SLC17A8: variants seen among roughly 807,000 people sequenced by gnomAD.
SLC17A8 encodes the protein solute carrier family 17 member 8.
Under a neutral mutation model 58.0 loss-of-function variants are expected in SLC17A8, and 31 were observed. The ratio of observed to expected loss-of-function variants is 0.53; its 90% CI spans 0.40 to 0.72. The LOEUF (loss-of-function observed/expected upper bound fraction) is 0.72. Ranked by LOEUF, SLC17A8 falls within the 30% of genes least tolerant of loss-of-function variation. The pLI is 0.00. For missense variants in SLC17A8, 655 were observed against 727.8 expected (o/e 0.90, Z 1.15); for synonymous variants, 228 against 249.0 (o/e 0.92, Z 0.79).
chr12:100,404,001 A>G (rs1334950908), intron 8 of SLC17A8, 37 bp from the exon 9 acceptor site: 1 of 1,613,758 alleles, frequency 6.2e-7, no homozygotes, highest in South Asian at 1.1e-5. Flanking sequence ...TCTCTCAGAA[A>G]TAATGACAAA....
chr12:100,395,901 C>A (rs146565648), intron 4 of SLC17A8, among the ~76,000 whole-genome samples: 2,078 of 152,316 alleles, frequency 0.014, 50 homozygotes, highest in African/African-American at 0.046. Context: ...GCGTGAGCCA[C>A]CGCTCCTGGC....
chr12:100,395,426 AG>A (rs1952746234), intron 4 of SLC17A8, among the ~76,000 whole-genome samples: 1 of 151,064 alleles, frequency 6.6e-6, no homozygotes, highest in Non-Finnish European at 1.5e-5. Context: ...CCCAGGTTCA[AG>A]CGATTCTTCT....
chr12:100,415,838 T>C (rs1198984171), intron 10 of SLC17A8, among the ~76,000 whole-genome samples: 1 of 152,194 alleles, frequency 6.6e-6, no homozygotes. Context: ...GTGGTTTAAC[T>C]TGCCGAGTGA....
chr12:100,387,005 T>A (rs1029883161), intron 2 of SLC17A8, among the ~76,000 whole-genome samples: 30 of 152,196 alleles, frequency 2.0e-4, no homozygotes, highest in African/African-American at 7.2e-4. Flanking sequence ...TCTTTATTCA[T>A]CTGTCAACGG....
At chr12:100,367,105 G>T (rs1952525390) in intron 1 of SLC17A8, among the ~76,000 whole-genome samples, 1 of 151,944 alleles carries the variant, frequency 6.6e-6, no homozygotes, top group South Asian at 2.1e-4. Context: ...TTCGTTTGTG[G>T]GTTTTCTGGT....
intron 4 of SLC17A8, among the ~76,000 whole-genome samples, chr12:100,395,462 A>G (rs1474879750): frequency 2.6e-5 from 4 of 151,586 alleles, no homozygotes; most frequent in African/African-American, 7.3e-5. Flanking sequence ...CATAGCTGGG[A>G]TAACAGGCAC....
chr12:100,420,382 A>C lies in SLC17A8; in HGVS notation c.*223A>C. 1.9e-6 allele frequency: 1 copy of C among 522,348 alleles called. No homozygotes were observed. Among genetic ancestry groups the C allele is most frequent in the Non-Finnish European group, 3.4e-6 (1 of 291,920 alleles). 32.4% of individuals were successfully genotyped at this position (522,348 alleles called of 1,614,324 possible). ...GATAATACATATTTTTTGAATTGACAGTTGACCCTTCTCTCAAAGAGCTAA... is the reference window on the plus strand; with the variant it reads ...GATAATACATATTTTTTGAATTGACCGTTGACCCTTCTCTCAAAGAGCTAA... On this transcript the variant is annotated 3_prime_UTR_variant, in exon 12 of 12. Transcript: ENST00000323346.
At chr12:100,392,705 A>G (rs1952725330) in intron 3 of SLC17A8, among the ~76,000 whole-genome samples, 1 of 152,156 alleles carries the variant, frequency 6.6e-6, no homozygotes, top group South Asian at 2.1e-4. Context: ...GGGGAAGAAA[A>G]TGCTGCTTGC....
At chr12:100,391,378 C>G (rs1952715211) in intron 3 of SLC17A8, among the ~76,000 whole-genome samples, 1 of 134,174 alleles carries the variant, frequency 7.5e-6, no homozygotes, top group Non-Finnish European at 1.6e-5. Flanking sequence ...TCTGCCCCAC[C>G]CCCTCCCCCA....
chr12:100,399,554 A>AGG (rs780298215), intron 5 of SLC17A8, among the ~76,000 whole-genome samples: 2 of 152,094 alleles, frequency 1.3e-5, no homozygotes, highest in Non-Finnish European at 2.9e-5. Context: ...AGGAGGCAAA[A>AGG]GGGGAGGCAA....
chr12:100,418,447 G>A (rs1384191810), intron 11 of SLC17A8, among the ~76,000 whole-genome samples: 1 of 152,176 alleles, frequency 6.6e-6, no homozygotes, highest in Non-Finnish European at 1.5e-5. Flanking sequence ...AAGAAACTGA[G>A]GCAGTCAACT....
At chr12:100,365,259 GT>G (rs1952512159) in intron 1 of SLC17A8, among the ~76,000 whole-genome samples, 1 of 152,160 alleles carries the variant, frequency 6.6e-6, no homozygotes, top group Non-Finnish European at 1.5e-5. Context: ...GCCATGAGAT[GT>G]TTTTTGTCTG....
At chr12:100,398,490 T>C (rs1189491115) in intron 5 of SLC17A8, among the ~76,000 whole-genome samples, 2 of 152,338 alleles carry the variant, frequency 1.3e-5, no homozygotes, top group African/African-American at 2.4e-5. Flanking sequence ...TGTGTTTTTA[T>C]AGCCCTAAAA....
chr12:100,394,788 T>C (rs1952741127), intron 4 of SLC17A8, among the ~76,000 whole-genome samples: 1 of 147,566 alleles, frequency 6.8e-6, no homozygotes, highest in African/African-American at 2.5e-5. Context: ...ATAACATATA[T>C]ACTAGTGTAT....
At chr12:100,416,776 C>T (rs1290475346) in intron 10 of SLC17A8, among the ~76,000 whole-genome samples, 1 of 152,200 alleles carries the variant, frequency 6.6e-6, no homozygotes, top group Non-Finnish European at 1.5e-5. Flanking sequence ...CACGTCTATG[C>T]ACCATGTAGT....
At chr12:100,391,515 G>A (rs1354100627) in intron 3 of SLC17A8, among the ~76,000 whole-genome samples, 1 of 152,116 alleles carries the variant, frequency 6.6e-6, no homozygotes, top group African/African-American at 2.4e-5. Context: ...ATGTTGGCCA[G>A]GCTGATCTCA....
At chr12:100,406,034 C>A (rs939532154) in intron 9 of SLC17A8, among the ~76,000 whole-genome samples, 1 of 152,128 alleles carries the variant, frequency 6.6e-6, no homozygotes, top group African/African-American at 2.4e-5. Flanking sequence ...CAAAGCCTCA[C>A]CCTTCTAATG....
chr12:100,410,173 A>C (rs1254331605), intron 9 of SLC17A8, among the ~76,000 whole-genome samples: 1 of 152,166 alleles, frequency 6.6e-6, no homozygotes. Flanking sequence ...CAGCCTGGCC[A>C]ACATGGGGAA....
intron 5 of SLC17A8, among the ~76,000 whole-genome samples, chr12:100,399,679 G>A (rs907846777): frequency 1.3e-5 from 2 of 152,040 alleles, no homozygotes; most frequent in African/African-American, 4.8e-5. Flanking sequence ...ACAGCACGGG[G>A]GAAATCCGCC....
Sources: allele counts gnomAD v4.1 joint callset (sites outside exome capture counted in the v4.1 genomes callset), GRCh38; gene constraint gnomAD v4.1.1; transcripts MANE v1.5; gene names NCBI Gene and HGNC (gene_info 2026-07-23, HGNC 2026-07-21).